ANKRD26: variants seen among roughly 807,000 people sequenced by gnomAD.
ANKRD26 encodes the protein ankyrin repeat domain-containing protein 26.
A neutral mutation model predicts 208.7 loss-of-function variants in ANKRD26; 141 were observed. The ratio of observed to expected loss-of-function variants is 0.68; its 90% confidence interval spans 0.59 to 0.78. The LOEUF is 0.78. Among genes scored for constraint, ANKRD26 ranks in the 30% least tolerant of loss-of-function variants. ANKRD26 has a pLI of 0.00. For synonymous variants in ANKRD26, 636 were observed against 660.4 expected (o/e 0.96, Z 0.57); for missense variants, 1,889 against 1,938.7 (o/e 0.97, Z 0.48).
the ANKRD26 span, among the ~76,000 whole-genome samples, chr10:26,957,042 G>C: frequency 3.3e-5 from 5 of 152,200 alleles, no homozygotes; most frequent in Non-Finnish European, 7.4e-5. Context: ...GTGGGTTATT[G>C]CTAGAGAACT....
chr10:27,043,312 C>T (rs2054326670), intron 20 of ANKRD26, 114 bp downstream of exon 20: 3 of 1,172,924 alleles, frequency 2.6e-6, no homozygotes, highest in Non-Finnish European at 3.7e-6. Context: ...GTGGCAGCAT[C>T]ATAGCCACCA....
At chr10:27,089,904 A>G (rs1190068997) in intron 4 of ANKRD26, among the ~76,000 whole-genome samples, 3 of 152,200 alleles carry the variant, frequency 2.0e-5, no homozygotes, top group Admixed American at 6.5e-5. Flanking sequence ...TTCTAAAATT[A>G]CCTGACCCAA....
intron 6 of ANKRD26, among the ~76,000 whole-genome samples, chr10:27,079,576 A>G (rs1465935259): frequency 6.6e-6 from 1 of 152,096 alleles, no homozygotes; most frequent in African/African-American, 2.4e-5. Context: ...GGTGGAGATC[A>G]GATGCGGTGG....
chr10:26,991,797 A>G (rs1363753606), downstream of ANKRD26: 1 of 152,178 alleles, frequency 6.6e-6, no homozygotes, highest in Non-Finnish European at 1.5e-5. Context: ...TGAGCCTTTG[A>G]TCAGCCTTTC....
rs1398131687 is a variant in ANKRD26, at chr10:27,005,130, A to G, written c.*460T>C. ...ATCTTGTTTCTCCCTGAGAACAGCTATATAAATCAGTGCTTAAAATTAAAA... is the reference window on the plus strand; with the variant it reads ...ATCTTGTTTCTCCCTGAGAACAGCTGTATAAATCAGTGCTTAAAATTAAAA... On this transcript the variant is annotated 3_prime_UTR_variant, in exon 34 of 34. Coordinates refer to ENST00000376087, the MANE Select transcript of ANKRD26 (RefSeq NM_014915.3). The G allele has an allele frequency of 3.0e-6, 3 of 985,808 alleles. No individual in the cohort carries two copies. The highest frequency in any genetic ancestry group is 2.4e-6 in the Non-Finnish European group (2 of 830,162). The allele number at this position is 985,808 out of a possible 1,614,324, so 61.1% of individuals were successfully genotyped here.
chr10:27,100,213 G>A lies in ANKRD26; in HGVS notation c.114C>T (p.Pro38=), dbSNP rs200724579. 25 of 1,613,384 alleles carry A rather than the reference G, an allele frequency of 1.5e-5. No individual in the cohort carries two copies. In the African/African-American group the frequency reaches 3.1e-4, roughly 20 times the overall value. ...GEPGEGAYSQ[P]GYHVRDRDLG... is the part of the protein sequence containing the mutation. Reference sequence around the variant, plus strand: ...GATCTCGGTCTCGGACGTGGTAGCCGGGCTGCGAGTAGGCGCCCTCCCCCG... The same window carrying A: ...GATCTCGGTCTCGGACGTGGTAGCCAGGCTGCGAGTAGGCGCCCTCCCCCG... The change falls in exon 1 of 34, where the codon CCC becomes CCT. Residue 38 remains proline, a synonymous_variant. Transcript: ENST00000376087.
chr10:27,044,191 CTA>C lies in ANKRD26; in HGVS notation c.1986-3_1986-2del. On this transcript the variant is annotated splice_acceptor_variant and splice_polypyrimidine_tract_variant and intron_variant, in intron 18 of 33. Coordinates refer to ENST00000376087, the MANE Select transcript of ANKRD26 (RefSeq NM_014915.3). LOFTEE classifies it high-confidence loss of function. ...TTCATTAGATGTTTTCTTAGTAGGC[CTA>C]AAAAAAAAAAATACCTTTCAGGCAA... 7.1e-7 allele frequency: 1 copy of C among 1,409,662 alleles called. No individual in the cohort carries two copies. The highest frequency in any genetic ancestry group is 9.6e-7 in the Non-Finnish European group (1 of 1,039,664). The allele number at this position is 1,409,662 out of a possible 1,614,324, so 87.3% of individuals were successfully genotyped here.
rs755197831 is a variant in ANKRD26, at chr10:27,035,413, A to C, written c.3037T>G (p.Leu1013Val). The C allele has an allele frequency of 6.2e-7, 1 of 1,613,818 alleles. No individual in the cohort carries two copies. The highest frequency in any genetic ancestry group is 1.3e-5 in the African/African-American group (1 of 74,898). Residue 1013 changes from leucine to valine, a missense_variant, in exon 24 of 34, where the codon TTG becomes GTG. Physicochemically the swap from Leu to Val is conservative, Grantham distance 32. Coordinates refer to ENST00000376087, the MANE Select transcript of ANKRD26 (RefSeq NM_014915.3). ...TCACGATCATGTATAGCAGCAGCCA[A>C]TCTAGAATGGTATGATTCAACTTCT... Reference protein sequence around the residue: ...EAEVESYHSRLAAAIHDRDQS... With the variant: ...EAEVESYHSRVAAAIHDRDQS...
chr10:27,052,242 G>A (rs2054688707), intron 16 of ANKRD26: 3 of 931,248 alleles, frequency 3.2e-6, no homozygotes, highest in Admixed American at 6.2e-5. Flanking sequence ...TCACTGGATT[G>A]TAACTAAGAA....
chr10:27,018,117 C>A (rs558942160), intron 29 of ANKRD26, among the ~76,000 whole-genome samples: 28 of 150,746 alleles, frequency 1.9e-4, no homozygotes, highest in Admixed American at 1.0e-3. Context: ...AGTCTTACTA[C>A]TTCCCCCATA....
chr10:27,043,613 T>C (rs1248915768), intron 19 of ANKRD26, 46 bp from the exon 20 acceptor site: 3 of 1,561,690 alleles, frequency 1.9e-6, no homozygotes, highest in East Asian at 2.2e-5. Context: ...AGAATATTTA[T>C]AGCACATACA....
chr10:27,092,301 T>C (rs969745711), intron 4 of ANKRD26, 105 bp downstream of exon 4: 1 of 792,938 alleles, frequency 1.3e-6, no homozygotes, highest in South Asian at 1.5e-5. Flanking sequence ...CTGTTGCCCC[T>C]CAAGAACAAG....
Position 27,005,173 on chromosome 10 carries a change from C to T in ANKRD26, c.*417G>A. ...AATTAAAATTATGTAAATTTGATGG[C>T]ACTGTAACAATTGTAATACATCCAA... is the stretch of plus-strand genomic sequence containing the variant. On this transcript the variant is annotated 3_prime_UTR_variant, in exon 34 of 34. Coordinates refer to ENST00000376087, the MANE Select transcript of ANKRD26 (RefSeq NM_014915.3). The T allele has an allele frequency of 5.1e-6, 5 of 987,720 alleles. No homozygotes were observed. Among genetic ancestry groups the T allele is most frequent in the Non-Finnish European group, 6.0e-6 (5 of 831,576 alleles). 61.2% of individuals were successfully genotyped at this position (987,720 alleles called of 1,614,324 possible). A position where few individuals can be genotyped will look rare whatever the true frequency, so the allele number is the denominator to read the frequency against.
Position 27,017,776 on chromosome 10 carries a change from G to T in ANKRD26, c.4232C>A (p.Ala1411Glu). The change falls in exon 30 of 34, where the codon GCA becomes GAA. Residue 1411 changes from alanine to glutamate, a missense_variant. Coordinates refer to ENST00000376087, the MANE Select transcript of ANKRD26 (RefSeq NM_014915.3). ...KLKHKIDDLT[A>E]ELETAGSKCL... ...TTTTGAACCTGCAGTCTCCAGTTCTGCTGTAAGATCATCAATCTGAATGAA... is the reference window on the plus strand; with the variant it reads ...TTTTGAACCTGCAGTCTCCAGTTCTTCTGTAAGATCATCAATCTGAATGAA... The T allele has an allele frequency of 4.3e-6, 7 of 1,612,504 alleles. No homozygotes were observed. Among genetic ancestry groups the T allele is most frequent in the Non-Finnish European group, 5.1e-6 (6 of 1,179,730 alleles).
At chr10:26,957,695 G>A in the ANKRD26 span, among the ~76,000 whole-genome samples, 1 of 152,146 alleles carries the variant, frequency 6.6e-6, no homozygotes, top group Non-Finnish European at 1.5e-5. Context: ...GTCGTTTGGG[G>A]GCTTTTTGGT....
intron 6 of ANKRD26, chr10:27,080,744 A>G (rs1362613528): frequency 2.0e-6 from 2 of 985,378 alleles, no homozygotes; most frequent in African/African-American, 1.7e-5. Flanking sequence ...CAAATGCCCA[A>G]GAGTAGAAGC....
chr10:27,087,905 C>T (rs943661462), intron 4 of ANKRD26, among the ~76,000 whole-genome samples: 3 of 152,154 alleles, frequency 2.0e-5, no homozygotes, highest in East Asian at 1.9e-4. Flanking sequence ...CTCAGCCCCA[C>T]GAGTAGCTAG....
Position 27,023,680 on chromosome 10 carries a change from G to A in ANKRD26, c.4085+767C>T, listed in dbSNP as rs545329472. Among the ~76,000 whole-genome samples the A allele has an allele frequency of 2.6e-5, 4 of 152,164 alleles. No individual in the cohort carries two copies. The South Asian group carries it at 6.2e-4, about 24-fold the overall frequency. ...CAAAGTAAAAGGGATGCCAAACCAC[G>A]TTAGAGAAAGACAATGAGAGAAAAA... On this transcript the variant is annotated intron_variant, in intron 28 of 33. Coordinates refer to ENST00000376087, the MANE Select transcript of ANKRD26 (RefSeq NM_014915.3).
intron 32 of ANKRD26, among the ~76,000 whole-genome samples, chr10:27,011,443 G>A (rs934526321): frequency 3.3e-5 from 5 of 152,018 alleles, no homozygotes; most frequent in Admixed American, 2.6e-4. Flanking sequence ...TTTGTAATTT[G>A]TTCCCCCAGT....
Sources: allele counts gnomAD v4.1 joint callset (sites outside exome capture counted in the v4.1 genomes callset), GRCh38; gene constraint gnomAD v4.1.1; transcripts MANE v1.5; gene names NCBI Gene and HGNC (gene_info 2026-07-23, HGNC 2026-07-21).